The following PHYHIPL variants were observed in gnomAD, a reference collection of about 807,000 sequenced individuals.
PHYHIPL encodes phytanoyl-CoA hydroxylase-interacting protein-like.
Under a neutral mutation model 33.4 loss-of-function variants are expected in PHYHIPL, and 9 were observed. That is an observed-to-expected ratio of 0.27 (90% CI 0.16 to 0.47). The LOEUF (loss-of-function observed/expected upper bound fraction) is 0.47, where lower values mean the gene tolerates loss of function less well. Ranked by LOEUF, PHYHIPL falls within the 20% of genes least tolerant of loss-of-function variation. The pLI, the probability that PHYHIPL is intolerant of heterozygous loss-of-function variation, is 0.99. For missense variants in PHYHIPL, 365 were observed against 460.7 expected (o/e 0.79, Z 1.90); for synonymous variants, 153 against 154.1 (o/e 0.99, Z 0.05).
intron 1 of PHYHIPL, among the ~76,000 whole-genome samples, chr10:59,214,154 T>C (rs1311853054): frequency 6.6e-6 from 1 of 152,106 alleles, no homozygotes; most frequent in Non-Finnish European, 1.5e-5. Context: ...ACAGATAGTT[T>C]CAGACATTTA....
chr10:59,182,665 G>A (rs1280118537), intron 1 of PHYHIPL, among the ~76,000 whole-genome samples: 2 of 152,120 alleles, frequency 1.3e-5, no homozygotes, highest in African/African-American at 4.8e-5. Context: ...ATACATTTGA[G>A]AGTAAAATCA....
At chr10:59,205,937 A>C (rs1839271828) in intron 1 of PHYHIPL, among the ~76,000 whole-genome samples, 2 of 152,210 alleles carry the variant, frequency 1.3e-5, no homozygotes, top group Non-Finnish European at 2.9e-5. Flanking sequence ...TCTGCATCTG[A>C]GAACAGATAC....
At chr10:59,209,122 AT>A (rs1379505953) in intron 1 of PHYHIPL, among the ~76,000 whole-genome samples, 1 of 152,102 alleles carries the variant, frequency 6.6e-6, no homozygotes, top group Non-Finnish European at 1.5e-5. Context: ...AAGACACATA[AT>A]TGTCAGATTC....
intron 1 of PHYHIPL, among the ~76,000 whole-genome samples, chr10:59,215,872 G>A (rs2133248582): frequency 6.6e-6 from 1 of 151,822 alleles, no homozygotes; most frequent in Admixed American, 6.6e-5. Flanking sequence ...ATTTTTAAAA[G>A]ATCAGTTAAT....
At chr10:59,204,863 GTTTTT>G (rs1230018175) in intron 1 of PHYHIPL, among the ~76,000 whole-genome samples, 1 of 129,878 alleles carries the variant, frequency 7.7e-6, no homozygotes. Flanking sequence ...GTCTCATAAA[GTTTTT>G]TTTTTTTTTT....
At chr10:59,210,067 A>G (rs1244341617) in intron 1 of PHYHIPL, among the ~76,000 whole-genome samples, 1 of 152,210 alleles carries the variant, frequency 6.6e-6, no homozygotes, top group East Asian at 1.9e-4. Flanking sequence ...ACAAAAGCCA[A>G]AATTGACAAA....
intron 1 of PHYHIPL, among the ~76,000 whole-genome samples, chr10:59,187,493 G>T (rs1220626759): frequency 6.6e-6 from 1 of 152,188 alleles, no homozygotes; most frequent in Non-Finnish European, 1.5e-5. Flanking sequence ...ATGAGTTAGG[G>T]AGGATTCCCT....
intron 1 of PHYHIPL, among the ~76,000 whole-genome samples, chr10:59,229,917 G>T (rs867824496): frequency 1.3e-5 from 2 of 152,098 alleles, no homozygotes; most frequent in Non-Finnish European, 2.9e-5. Flanking sequence ...CATCCACAAG[G>T]ACTCAAATAT....
intron 1 of PHYHIPL, chr10:59,206,700 A>T: frequency 1.2e-6 from 1 of 834,484 alleles, no homozygotes; most frequent in Non-Finnish European, 1.6e-6. Flanking sequence ...GGAGACAGAA[A>T]ATTGTAAAAG....
At chr10:59,186,857 T>G (rs1441866747) in intron 1 of PHYHIPL, among the ~76,000 whole-genome samples, 1 of 152,186 alleles carries the variant, frequency 6.6e-6, no homozygotes, top group Non-Finnish European at 1.5e-5. Context: ...CTTAAGGAGA[T>G]TTTGGGCTGA....
chr10:59,191,309 A>G (rs1023643568), intron 1 of PHYHIPL, among the ~76,000 whole-genome samples: 6 of 151,968 alleles, frequency 3.9e-5, no homozygotes, highest in Non-Finnish European at 7.4e-5. Flanking sequence ...ATTTTCAGGT[A>G]TGTACCAATA....
intron 4 of PHYHIPL, 147 bp from the exon 5 acceptor site, chr10:59,244,910 T>A (rs574250821): frequency 1.3e-6 from 1 of 778,548 alleles, no homozygotes; most frequent in South Asian, 2.3e-5. Context: ...AGGTAATATG[T>A]CAAAAGATGT....
intron 4 of PHYHIPL, among the ~76,000 whole-genome samples, chr10:59,244,831 T>C (rs541290793): frequency 3.9e-5 from 6 of 152,334 alleles, no homozygotes; most frequent in African/African-American, 1.4e-4. Context: ...GTTAATTTAA[T>C]ACAAAGTCTC....
intron 2 of PHYHIPL, among the ~76,000 whole-genome samples, chr10:59,235,088 A>C (rs753688993): frequency 6.6e-6 from 1 of 151,866 alleles, no homozygotes; most frequent in African/African-American, 2.4e-5. Context: ...ATAACTGCCA[A>C]ACAAGGAATC....
chr10:59,225,979 C>G (rs904403231), intron 1 of PHYHIPL, among the ~76,000 whole-genome samples: 4 of 151,742 alleles, frequency 2.6e-5, no homozygotes, highest in Non-Finnish European at 5.9e-5. Context: ...GAAAATTTAC[C>G]AATAAGAGTC....
In PHYHIPL at chr10:59,179,840, G is replaced by C. The variant is rs984112245; in HGVS notation, c.106+2881G>C. 3.4e-5 allele frequency among the ~76,000 whole-genome samples: 4 copies of C among 118,758 alleles called. No homozygotes were observed. The East Asian group carries it at 7.1e-4, about 21-fold the overall frequency. 77.9% of individuals were successfully genotyped at this position (118,758 alleles called of 152,430 possible). ...ATTGGCTTTTCAATTAAGCAAGACA[G>C]TTACACACACACACACACACACACA... On this transcript the variant is annotated intron_variant, in intron 1 of 4. Coordinates refer to ENST00000373880, the MANE Select transcript of PHYHIPL (RefSeq NM_032439.4).
chr10:59,229,990 C>G (rs1749502718), intron 1 of PHYHIPL, among the ~76,000 whole-genome samples: 1 of 152,134 alleles, frequency 6.6e-6, no homozygotes, highest in Non-Finnish European at 1.5e-5. Flanking sequence ...CAATAATTTA[C>G]TGATACATAG....
chr10:59,232,283 A>G (rs1018064611), intron 1 of PHYHIPL, among the ~76,000 whole-genome samples: 2 of 152,052 alleles, frequency 1.3e-5, no homozygotes, highest in Non-Finnish European at 2.9e-5. Context: ...AAGTTAATCT[A>G]GTGGTTTTGT....
intron 1 of PHYHIPL, among the ~76,000 whole-genome samples, chr10:59,199,273 A>T (rs188044183): frequency 9.4e-4 from 143 of 152,270 alleles, no homozygotes; most frequent in African/African-American, 3.1e-3. Context: ...CTTTCTACAT[A>T]TGGCTAGCCA....
Sources: allele counts gnomAD v4.1 joint callset (sites outside exome capture counted in the v4.1 genomes callset), GRCh38; gene constraint gnomAD v4.1.1; transcripts MANE v1.5; gene names NCBI Gene and HGNC (gene_info 2026-07-23, HGNC 2026-07-21).